PSD3: variants seen among roughly 807,000 people sequenced by gnomAD.
PSD3 encodes the protein pleckstrin and Sec7 domain containing 3.
In PSD3, 49 loss-of-function variants were observed where a neutral mutation model predicts 105.5. That is an observed-to-expected ratio of 0.46 (90% CI 0.37 to 0.59). The LOEUF (loss-of-function observed/expected upper bound fraction) is 0.59, where lower values mean the gene tolerates loss of function less well. Among genes scored for constraint, PSD3 ranks in the 20% least tolerant of loss-of-function variants. The pLI is 0.00. For missense variants in PSD3, 1,561 were observed against 1,263.8 expected (o/e 1.24, Z -3.57); for synonymous variants, 557 against 457.8 (o/e 1.22, Z -2.77).
rs114752286 is a variant in PSD3, at chr8:19,030,375, C to A, written c.324+53831G>T. ...TGCTGATACAGTTTGGATATTTGTC[C>A]CCACCCAAATCTCGTGTTGAATTGT... On this transcript the variant is annotated intron_variant, in intron 1 of 1. Transcript: ENST00000521475. Among the ~76,000 whole-genome samples, 1,007 of 152,066 alleles carry A rather than the reference C, an allele frequency of 6.6e-3. 10 individuals are homozygous for A. The highest frequency in any genetic ancestry group is 0.023 in the African/African-American group (946 of 41,452).
At chr8:19,042,831 G>C (rs1399857636) in intron 1 of PSD3, among the ~76,000 whole-genome samples, 1 of 152,064 alleles carries the variant, frequency 6.6e-6, no homozygotes, top group Non-Finnish European at 1.5e-5. Context: ...TGAAAAAACT[G>C]TACTTCCTAA....
chr8:18,817,669 T>C (rs150839617), intron 4 of PSD3, among the ~76,000 whole-genome samples: 2 of 152,364 alleles, frequency 1.3e-5, no homozygotes, highest in Middle Eastern at 3.4e-3. Context: ...TGAATCTGTA[T>C]ACAAAGCTGA....
At chr8:18,866,692 C>G (rs148498183) in intron 4 of PSD3, among the ~76,000 whole-genome samples, 2 of 152,048 alleles carry the variant, frequency 1.3e-5, no homozygotes, top group Non-Finnish European at 2.9e-5. Flanking sequence ...GAACTATAAA[C>G]CTTCAAACTG....
chr8:18,658,795 A>G (rs1809090924), intron 9 of PSD3, among the ~76,000 whole-genome samples: 1 of 145,286 alleles, frequency 6.9e-6, no homozygotes, highest in Non-Finnish European at 1.5e-5. Flanking sequence ...CCTAATAATT[A>G]ATGTAGTCAG....
At chr8:18,805,562 C>T (rs1195486555) in intron 4 of PSD3, among the ~76,000 whole-genome samples, 1 of 152,104 alleles carries the variant, frequency 6.6e-6, no homozygotes, top group Non-Finnish European at 1.5e-5. Flanking sequence ...TTCTTACTTG[C>T]AATATGGAAT....
intron 9 of PSD3, among the ~76,000 whole-genome samples, chr8:18,689,382 TC>T (rs1359420747): frequency 6.6e-6 from 1 of 152,100 alleles, no homozygotes; most frequent in African/African-American, 2.4e-5. Flanking sequence ...GGCAGACACT[TC>T]CCTCTTTGCT....
intron 4 of PSD3, among the ~76,000 whole-genome samples, chr8:18,817,925 A>C (rs568844127): frequency 6.6e-6 from 1 of 152,230 alleles, no homozygotes; most frequent in East Asian, 1.9e-4. Flanking sequence ...ATGATTACTA[A>C]ATAGATTATA....
chr8:18,811,273 T>C (rs1198532429), intron 4 of PSD3, among the ~76,000 whole-genome samples: 2 of 152,212 alleles, frequency 1.3e-5, no homozygotes, highest in African/African-American at 2.4e-5. Flanking sequence ...GAGACTCCAA[T>C]GCTTTACTAC....
chr8:18,586,722 T>C (rs1803214796), intron 12 of PSD3, among the ~76,000 whole-genome samples: 1 of 152,132 alleles, frequency 6.6e-6, no homozygotes, highest in Admixed American at 6.6e-5. Flanking sequence ...CCTGTTTCCT[T>C]CTGTCTCAGG....
chr8:18,676,483 C>A (rs919747882), intron 9 of PSD3, among the ~76,000 whole-genome samples: 2 of 152,180 alleles, frequency 1.3e-5, no homozygotes, highest in Non-Finnish European at 2.9e-5. Flanking sequence ...AAGAGCCATT[C>A]TCTCTGCTCT....
Position 18,533,418 on chromosome 8 carries a change from G to C in PSD3, c.*2325C>G, listed in dbSNP as rs1175629049. ...GCCCTTCGTATCCAATGATCTATTA[G>C]CCTATCCAGAAGTCCCTGGAGTTAA... is the stretch of plus-strand genomic sequence containing the variant. On this transcript the variant is annotated 3_prime_UTR_variant, in exon 16 of 16. Transcript: ENST00000327040. 6.6e-6 allele frequency: 1 copy of C among 152,164 alleles called. No individual in the cohort carries two copies. The highest frequency in any genetic ancestry group is 1.5e-5 in the Non-Finnish European group (1 of 68,038). 9.4% of individuals were successfully genotyped at this position (152,164 alleles called of 1,614,324 possible). A position where few individuals can be genotyped will look rare whatever the true frequency, so the allele number is the denominator to read the frequency against.
chr8:19,021,687 T>A (rs922531693), intron 1 of PSD3, among the ~76,000 whole-genome samples: 3 of 152,210 alleles, frequency 2.0e-5, no homozygotes, highest in Non-Finnish European at 4.4e-5. Context: ...GCTGTGATCC[T>A]TTTATTCAGT....
chr8:18,850,538 A>T (rs1815478357), intron 4 of PSD3, among the ~76,000 whole-genome samples: 2 of 152,240 alleles, frequency 1.3e-5, no homozygotes, highest in Non-Finnish European at 2.9e-5. Context: ...TCAACATGGC[A>T]TCTCAGCTAG....
intron 1 of PSD3, among the ~76,000 whole-genome samples, chr8:19,047,086 T>C (rs1348260651): frequency 2.0e-5 from 3 of 152,204 alleles, no homozygotes; most frequent in Non-Finnish European, 2.9e-5. Context: ...CCAGCAGGCC[T>C]CTTATTCCTC....
At chr8:18,717,363 C>G (rs967940956) in intron 9 of PSD3, among the ~76,000 whole-genome samples, 2 of 152,070 alleles carry the variant, frequency 1.3e-5, no homozygotes, top group African/African-American at 4.8e-5. Flanking sequence ...GGAGTTCTTG[C>G]TATAAGTACA....
chr8:18,631,895 A>G (rs1450935202), intron 11 of PSD3, among the ~76,000 whole-genome samples: 1 of 152,024 alleles, frequency 6.6e-6, no homozygotes, highest in Non-Finnish European at 1.5e-5. Flanking sequence ...GATAATTCTG[A>G]GCAAACATGT....
intron 9 of PSD3, among the ~76,000 whole-genome samples, chr8:18,746,169 T>C (rs1451654850): frequency 6.6e-6 from 1 of 152,122 alleles, no homozygotes; most frequent in Non-Finnish European, 1.5e-5. Flanking sequence ...TTTCCTACCC[T>C]TTCCTAATTG....
intron 2 of PSD3, among the ~76,000 whole-genome samples, chr8:18,931,173 T>G (rs548985185): frequency 6.8e-4 from 103 of 152,274 alleles, no homozygotes; most frequent in African/African-American, 2.4e-3. Flanking sequence ...ATGTAAGAGC[T>G]CTCTATGTAT....
intron 12 of PSD3, among the ~76,000 whole-genome samples, chr8:18,583,574 A>ACG (rs201648632): frequency 0.011 from 1,720 of 152,270 alleles, 22 homozygotes; most frequent in Non-Finnish European, 0.019. Context: ...TTCCCCAAAC[A>ACG]CGCTGTATCA....
Sources: gnomAD v4.1 joint callset for allele counts (sites outside exome capture counted in the v4.1 genomes callset) on GRCh38, gnomAD v4.1.1 for gene constraint, MANE v1.5 for transcripts, NCBI Gene and HGNC (gene_info 2026-07-23, HGNC 2026-07-21) for gene names.